Variants in CAST observed in about 807,000 individuals in gnomAD.
CAST encodes MIR583 host.
In CAST, 76 loss-of-function variants were observed where a neutral mutation model predicts 119.6. That is an observed-to-expected ratio of 0.64 (90% confidence interval 0.53 to 0.77). The LOEUF is 0.77. CAST is among the 30% of genes least tolerant of loss of function. The probability of loss-of-function intolerance (pLI) is 0.00; values close to 1 mark genes in which losing one functional copy is unlikely to be tolerated. For missense variants in CAST, 953 were observed against 946.5 expected, an observed-to-expected ratio of 1.01 and a Z score of -0.09; for synonymous variants, 319 against 331.6, an observed-to-expected ratio of 0.96 and a Z score of 0.41.
chr5:96,001,164 C>T, the CAST span, among the ~76,000 whole-genome samples: 4 of 152,096 alleles, frequency 2.6e-5, no homozygotes, highest in Admixed American at 2.6e-4. Flanking sequence ...TTCATTAAGT[C>T]AACATTTATT....
At chr5:96,585,677 C>T (rs1294378066) in intron 1 of CAST, among the ~76,000 whole-genome samples, 1 of 152,172 alleles carries the variant, frequency 6.6e-6, no homozygotes, top group African/African-American at 2.4e-5. Context: ...GAAAGAAGGA[C>T]ATTGAGAGAG....
At chr5:95,982,268 T>C in the CAST span, among the ~76,000 whole-genome samples, 1 of 152,104 alleles carries the variant, frequency 6.6e-6, no homozygotes, top group African/African-American at 2.4e-5. Context: ...TACTGTTAAC[T>C]ACAGACCTGA....
At chr5:96,645,937 A>C (rs1277671955) in intron 1 of CAST, among the ~76,000 whole-genome samples, 1 of 151,914 alleles carries the variant, frequency 6.6e-6, no homozygotes, top group African/African-American at 2.4e-5. Flanking sequence ...TAAGCCAATA[A>C]TAAAACCAAC....
At chr5:95,987,657 T>A in the CAST span, among the ~76,000 whole-genome samples, 1 of 152,188 alleles carries the variant, frequency 6.6e-6, no homozygotes. Context: ...GACAAGTCAC[T>A]TAGTCTCTCT....
At chr5:96,515,926 ACT>A in the CAST span, among the ~76,000 whole-genome samples, 1 of 150,702 alleles carries the variant, frequency 6.6e-6, no homozygotes, top group Non-Finnish European at 1.5e-5. Flanking sequence ...CCACTGATAA[ACT>A]CTCCTATTAA....
chr5:96,023,133 G>T, the CAST span, among the ~76,000 whole-genome samples: 1 of 152,148 alleles, frequency 6.6e-6, no homozygotes, highest in Non-Finnish European at 1.5e-5. Context: ...GTCATCTCTT[G>T]TCCTTCCCTC....
chr5:96,499,290 G>T, the CAST span, among the ~76,000 whole-genome samples: 1 of 152,044 alleles, frequency 6.6e-6, no homozygotes, highest in East Asian at 1.9e-4. Context: ...TCTGGGTTTG[G>T]TTCCAGACCA....
chr5:96,675,409 C>A, intron 1 of CAST, 130 bp from the exon 2 acceptor site: 1 of 636,642 alleles, frequency 1.6e-6, no homozygotes, highest in Admixed American at 2.7e-5. Context: ...TGTGAATTAC[C>A]AGCATTCTCA....
At chr5:96,548,882 G>C (rs768060996) in intron 1 of CAST, among the ~76,000 whole-genome samples, 2 of 152,220 alleles carry the variant, frequency 1.3e-5, no homozygotes, top group Non-Finnish European at 2.9e-5. Flanking sequence ...CCCCAGACCA[G>C]AGTTAGTTCA....
At chr5:96,662,339 C>A, upstream of CAST, 2 of 1,136,600 alleles carry the variant, frequency 1.8e-6, no homozygotes, top group Non-Finnish European at 2.3e-6. Context: ...CTCCCTCCCT[C>A]TCTCCCTGGC....
chr5:96,554,348 C>G (rs1746192015), intron 1 of CAST, among the ~76,000 whole-genome samples: 1 of 152,154 alleles, frequency 6.6e-6, no homozygotes, highest in East Asian at 1.9e-4. Flanking sequence ...AACTGGCTAA[C>G]CATATGCAGA....
At chr5:96,677,042 A>G (rs913016187) in intron 2 of CAST, among the ~76,000 whole-genome samples, 2 of 151,978 alleles carry the variant, frequency 1.3e-5, no homozygotes, top group African/African-American at 4.8e-5. Flanking sequence ...GACAAAAAAA[A>G]AAAAAGAAAA....
intron 1 of CAST, among the ~76,000 whole-genome samples, chr5:96,645,563 A>C (rs1724220845): frequency 6.6e-6 from 1 of 152,200 alleles, no homozygotes; most frequent in South Asian, 2.1e-4. Flanking sequence ...TTTCGTCTTT[A>C]ATACTTAACT....
chr5:96,743,546 T>A, intron 16 of CAST: 1 of 1,542,472 alleles, frequency 6.5e-7, no homozygotes, highest in Non-Finnish European at 8.7e-7. Context: ...TGCTGTCACT[T>A]CCTGTTCTGA....
intron 1 of CAST, among the ~76,000 whole-genome samples, chr5:96,565,963 A>G (rs548899553): frequency 2.6e-5 from 4 of 152,292 alleles, no homozygotes; most frequent in African/African-American, 9.6e-5. Flanking sequence ...ATGAGGTGGG[A>G]GCACAATTTA....
intron 16 of CAST, chr5:96,743,701 T>C (rs1763160668): frequency 6.2e-7 from 1 of 1,611,912 alleles, no homozygotes; most frequent in Admixed American, 1.7e-5. Flanking sequence ...TTTGTGACGG[T>C]GAACGCAGAG....
At chr5:96,283,428 C>T in the CAST span, among the ~76,000 whole-genome samples, 244 of 152,348 alleles carry the variant, frequency 1.6e-3, 6 homozygotes, top group South Asian at 0.05. Flanking sequence ...ATATTTTGGT[C>T]ATCTGGAGGT....
At chr5:96,323,754 A>G in the CAST span, among the ~76,000 whole-genome samples, 2 of 152,170 alleles carry the variant, frequency 1.3e-5, no homozygotes, top group Admixed American at 6.5e-5. Flanking sequence ...GCTACAGGGA[A>G]CCATAGAGGC....
chr5:96,479,003 C>T, the CAST span, among the ~76,000 whole-genome samples: 1 of 152,150 alleles, frequency 6.6e-6, no homozygotes, highest in Non-Finnish European at 1.5e-5. Flanking sequence ...TTGGGTGTAA[C>T]TGGGGAGGAG....
Sources: gnomAD v4.1 joint callset for allele counts (sites outside exome capture counted in the v4.1 genomes callset) on GRCh38, gnomAD v4.1.1 for gene constraint, MANE v1.5 for transcripts, NCBI Gene and HGNC (gene_info 2026-07-23, HGNC 2026-07-21) for gene names.